The following CABCOCO1 variants were observed in gnomAD, a reference collection of about 807,000 sequenced individuals.
The protein encoded by CABCOCO1 is ciliary associated calcium binding coiled-coil 1.
CABCOCO1 carries 28 observed loss-of-function variants against 35.7 expected under a neutral mutation model. That is an observed-to-expected ratio of 0.78 (90% confidence interval 0.58 to 1.07). The LOEUF (loss-of-function observed/expected upper bound fraction) is 1.07. Among genes scored for constraint, CABCOCO1 ranks in the 50% least tolerant of loss-of-function variants. The probability of loss-of-function intolerance (pLI) is 0.00; values close to 1 mark genes in which losing one functional copy is unlikely to be tolerated. For synonymous variants in CABCOCO1, 95 were observed against 100.1 expected (o/e 0.95, Z 0.30); for missense variants, 326 against 309.2 (o/e 1.05, Z -0.41).
chr10:61,759,565 A>G (rs1841965192), intron 5 of CABCOCO1, among the ~76,000 whole-genome samples: 2 of 152,012 alleles, frequency 1.3e-5, no homozygotes, highest in Non-Finnish European at 2.9e-5. Context: ...TACTGGCTTC[A>G]TATATTAATC....
intron 2 of CABCOCO1, 36 bp downstream of exon 2, chr10:61,672,771 A>T (rs1002530609): frequency 2.0e-6 from 2 of 976,250 alleles, no homozygotes; most frequent in African/African-American, 3.5e-5. Context: ...ATGTAGAAGA[A>T]CAGTTCGAGT....
chr10:61,708,199 T>C (rs983681800), intron 5 of CABCOCO1, among the ~76,000 whole-genome samples: 5 of 151,132 alleles, frequency 3.3e-5, no homozygotes, highest in East Asian at 1.9e-4. Flanking sequence ...TACCAGATCC[T>C]AACTAGTGAG....
rs1223281774 is a variant in CABCOCO1 at position 61,742,100 on chromosome 10, TATATGACAGGACTTGCTG to T, written c.553-17957_553-17940del. ...TCGATTTCAGTTTTATTTCAGAATA[TATATGACAGGACTTGCTG>T]AAAAATTGGGTGCAAAGAGTGAGCG... On this transcript the variant is annotated intron_variant, in intron 5 of 7. Transcript: ENST00000648843. Among the ~76,000 whole-genome samples the T allele has an allele frequency of 6.6e-5, 10 of 152,240 alleles. No homozygotes were observed. The East Asian group carries it at 1.2e-3, about 18-fold the overall frequency.
At chr10:61,746,729 G>C (rs1189667687) in intron 5 of CABCOCO1, among the ~76,000 whole-genome samples, 1 of 152,098 alleles carries the variant, frequency 6.6e-6, no homozygotes, top group Non-Finnish European at 1.5e-5. Flanking sequence ...AAATTTCACT[G>C]TCACTAGAGC....
In CABCOCO1 at chr10:61,731,872, C is replaced by T. The variant is rs545265441; in HGVS notation, c.553-28187C>T. ...ATAAAATCCAGCAGAAATTGCTTCA[C>T]CCTTAATATAGATGCCAGAAGTTAC... is the stretch of plus-strand genomic sequence containing the variant. On this transcript the variant is annotated intron_variant, in intron 5 of 7. Transcript: ENST00000648843. 3.3e-5 allele frequency among the ~76,000 whole-genome samples: 5 copies of T among 151,962 alleles called. No homozygotes were observed. In the South Asian group the frequency reaches 8.3e-4, roughly 25 times the overall value.
At chr10:61,663,311 C>A (rs1272666635) in intron 1 of CABCOCO1, 1 of 152,722 alleles carries the variant, frequency 6.5e-6, no homozygotes, top group Non-Finnish European at 1.5e-5. Flanking sequence ...TGGACGGCTC[C>A]GTGCCCAAAC....
chr10:61,730,695 C>T (rs1414954431), intron 5 of CABCOCO1, among the ~76,000 whole-genome samples: 1 of 152,002 alleles, frequency 6.6e-6, no homozygotes, highest in African/African-American at 2.4e-5. Flanking sequence ...ATTAATTTCA[C>T]AGTTGAGAAA....
intron 5 of CABCOCO1, among the ~76,000 whole-genome samples, chr10:61,751,709 G>T (rs1564556101): frequency 6.6e-6 from 1 of 152,138 alleles, no homozygotes; most frequent in Non-Finnish European, 1.5e-5. Context: ...TAGAGAAAAA[G>T]CCACTTGAAA....
chr10:61,742,164 C>T (rs7086621), intron 5 of CABCOCO1, among the ~76,000 whole-genome samples: 70,550 of 151,818 alleles, frequency 0.46, 17,301 homozygotes, highest in Middle Eastern at 0.59. Flanking sequence ...ATTAAGAATG[C>T]CTTCCAGGAT....
At chr10:61,740,716 G>A (rs186869757) in intron 5 of CABCOCO1, among the ~76,000 whole-genome samples, 185 of 152,130 alleles carry the variant, frequency 1.2e-3, no homozygotes, top group Non-Finnish European at 2.5e-4. Flanking sequence ...CTTATTTACT[G>A]AGAACTGAGA....
intron 5 of CABCOCO1, among the ~76,000 whole-genome samples, chr10:61,691,149 T>A (rs988436371): frequency 6.6e-6 from 1 of 152,184 alleles, no homozygotes; most frequent in African/African-American, 2.4e-5. Flanking sequence ...AATGATCTCT[T>A]ATTGCTGAAT....
intron 5 of CABCOCO1, among the ~76,000 whole-genome samples, chr10:61,733,024 C>A (rs1477617225): frequency 6.6e-6 from 1 of 151,986 alleles, no homozygotes; most frequent in African/African-American, 2.4e-5. Context: ...TCTGTTTCTA[C>A]ATTTACTAAG....
chr10:61,675,217 C>T (rs1317655465), intron 2 of CABCOCO1, among the ~76,000 whole-genome samples: 1 of 152,138 alleles, frequency 6.6e-6, no homozygotes, highest in Non-Finnish European at 1.5e-5. Flanking sequence ...CATCTCTCCC[C>T]TCTCCCCTGT....
intron 5 of CABCOCO1, among the ~76,000 whole-genome samples, chr10:61,737,172 T>C (rs781672285): frequency 1.6e-4 from 25 of 152,064 alleles, no homozygotes; most frequent in Non-Finnish European, 2.8e-4. Flanking sequence ...AAAGAAGACA[T>C]ACATGCGACC....
chr10:61,714,088 C>G (rs1293359692), intron 5 of CABCOCO1, among the ~76,000 whole-genome samples: 1 of 152,154 alleles, frequency 6.6e-6, no homozygotes, highest in Non-Finnish European at 1.5e-5. Context: ...AGGAATGGTA[C>G]CAGCTCCTCT....
At position 61,680,594 on chromosome 10, in the gene CABCOCO1, T is replaced by TTATACATGTATAACATGTTATACATAACA. The variant is rs1399323246; in HGVS notation, c.165-539_165-511dup. 9.8e-3 allele frequency among the ~76,000 whole-genome samples: 147 copies of TTATACATGTATAACATGTTATACATAACA among 14,994 alleles called. 15 individuals carry two copies. Among genetic ancestry groups the TTATACATGTATAACATGTTATACATAACA allele is most frequent in the African/African-American group, 0.033 (138 of 4,150 alleles). The allele number at this position is 14,994 out of a possible 152,430, so 9.8% of individuals were successfully genotyped here. Reference sequence around the variant, plus strand: ...TATATTATGTTATATATAACATATGTTATACATGTATAACATGTTATACAT... The same window carrying TTATACATGTATAACATGTTATACATAACA: ...TATATTATGTTATATATAACATATGTTATACATGTATAACATGTTATACATAACATATACATGTATAACATGTTATACAT... On this transcript the variant is annotated intron_variant, in intron 2 of 7. Coordinates refer to ENST00000648843, the MANE Select transcript of CABCOCO1 (RefSeq NM_001366906.2).
At chr10:61,702,342 T>C (rs903490824) in intron 5 of CABCOCO1, among the ~76,000 whole-genome samples, 2 of 152,142 alleles carry the variant, frequency 1.3e-5, no homozygotes, top group African/African-American at 4.8e-5. Flanking sequence ...GTTCTTCTCA[T>C]TAGTAAAGTC....
At chr10:61,719,371 G>A (rs1443066026) in intron 5 of CABCOCO1, among the ~76,000 whole-genome samples, 1 of 151,944 alleles carries the variant, frequency 6.6e-6, no homozygotes, top group African/African-American at 2.4e-5. Context: ...ACAATATTGA[G>A]AGTACACACT....
At position 61,663,049 on chromosome 10, in the gene CABCOCO1, C is replaced by A; in HGVS notation, c.60+17C>A. 4.0e-6 allele frequency: 1 copy of A among 250,736 alleles called. No homozygotes were observed. The highest frequency in any genetic ancestry group is 9.0e-6 in the Non-Finnish European group (1 of 110,510). 15.5% of individuals were successfully genotyped at this position (250,736 alleles called of 1,614,324 possible). ...GAATCGGAGGTACACCGCCCCTTTC[C>A]CTTCCCGGTACCGGTGCCGGTACCA... On this transcript the variant is annotated intron_variant, in intron 1 of 7. Coordinates refer to ENST00000648843, the MANE Select transcript of CABCOCO1 (RefSeq NM_001366906.2).
Sources: gnomAD v4.1 joint callset for allele counts (sites outside exome capture counted in the v4.1 genomes callset) on GRCh38, gnomAD v4.1.1 for gene constraint, MANE v1.5 for transcripts, NCBI Gene and HGNC (gene_info 2026-07-23, HGNC 2026-07-21) for gene names.